The following CHRM5 variants were observed in gnomAD, a reference collection of about 807,000 sequenced individuals.
CHRM5 encodes the protein cholinergic receptor muscarinic 5.
Under a neutral mutation model 39.0 loss-of-function variants are expected in CHRM5, and 18 were observed. That is an observed-to-expected ratio of 0.46 (90% CI 0.32 to 0.68). The LOEUF is 0.68. CHRM5 is among the 30% of genes least tolerant of loss of function. The probability of loss-of-function intolerance (pLI) is 0.04; values close to 1 mark genes in which losing one functional copy is unlikely to be tolerated. For synonymous variants in CHRM5, 241 were observed against 246.3 expected, an observed-to-expected ratio of 0.98 and a Z score of 0.20; for missense variants, 515 against 651.1, an observed-to-expected ratio of 0.79 and a Z score of 2.28.
At chr15:34,046,274 C>A (rs1242574109) in intron 1 of CHRM5, among the ~76,000 whole-genome samples, 1 of 146,372 alleles carries the variant, frequency 6.8e-6, no homozygotes, top group Non-Finnish European at 1.5e-5. Context: ...TGTTCCAAAT[C>A]TTTTTGTGGA....
chr15:34,034,754 A>AGT (rs1491410052), intron 1 of CHRM5, among the ~76,000 whole-genome samples: 1 of 152,218 alleles, frequency 6.6e-6, no homozygotes. Context: ...AAATAATTAC[A>AGT]GTGTGTGTGC....
intron 1 of CHRM5, among the ~76,000 whole-genome samples, chr15:34,019,217 A>T (rs1898100081): frequency 1.3e-5 from 2 of 152,340 alleles, no homozygotes; most frequent in Middle Eastern, 3.4e-3. Context: ...GTGTAGGCCT[A>T]GGCTAATGGA....
At position 34,059,410 on chromosome 15, in the gene CHRM5, C is replaced by G. The variant is rs1413923180; in HGVS notation, c.-75-3233C>G. Among the ~76,000 whole-genome samples the G allele has an allele frequency of 3.3e-5, 5 of 152,176 alleles. No individual in the cohort carries two copies. In the South Asian group the frequency reaches 1.0e-3, roughly 32 times the overall value. On this transcript the variant is annotated intron_variant, in intron 2 of 2. Transcript: ENST00000383263. ...GAAAAAATTCAGCAAGCGGTCAGAT[C>G]ATTTTACTACTTCTCTCCGGACTAA... is the stretch of plus-strand genomic sequence containing the variant.
intron 1 of CHRM5, among the ~76,000 whole-genome samples, chr15:33,978,335 C>T (rs945408418): frequency 3.3e-5 from 5 of 152,088 alleles, no homozygotes; most frequent in African/African-American, 1.2e-4. Flanking sequence ...TGGGGGAGTA[C>T]ATTTAATAAT....
At chr15:34,023,042 C>T (rs1283808071) in intron 1 of CHRM5, among the ~76,000 whole-genome samples, 2 of 152,184 alleles carry the variant, frequency 1.3e-5, no homozygotes, top group Non-Finnish European at 2.9e-5. Flanking sequence ...CAAAAATTAG[C>T]CTGGCGTGGT....
chr15:33,993,580 G>A (rs1896814198), intron 1 of CHRM5, among the ~76,000 whole-genome samples: 1 of 152,106 alleles, frequency 6.6e-6, no homozygotes, highest in Non-Finnish European at 1.5e-5. Flanking sequence ...CTTTTAAAGA[G>A]TTTTATTCCT....
At chr15:34,024,170 C>T (rs1898333813) in intron 1 of CHRM5, among the ~76,000 whole-genome samples, 3 of 152,150 alleles carry the variant, frequency 2.0e-5, no homozygotes, top group Admixed American at 2.0e-4. Context: ...TGGATTATAG[C>T]AGTGAACAAG....
chr15:34,030,249 C>T (rs1898709970), intron 1 of CHRM5, among the ~76,000 whole-genome samples: 2 of 152,056 alleles, frequency 1.3e-5, no homozygotes, highest in Admixed American at 6.5e-5. Context: ...GTGAGTGAGA[C>T]TTCATCTCAA....
In CHRM5 at chr15:34,025,695, C is replaced by T. The variant is rs187370862; in HGVS notation, c.-407-20845C>T. 4.6e-5 allele frequency among the ~76,000 whole-genome samples: 7 copies of T among 152,072 alleles called. No homozygotes were observed. In the East Asian group the frequency reaches 9.6e-4, roughly 21 times the overall value. ...AGGGGTAAAGACGCATCATATCCAC[C>T]GCTCAAAGGTTCAGAAGAAAAAAAA... On this transcript the variant is annotated intron_variant, in intron 1 of 2. Transcript: ENST00000383263.
At chr15:34,032,285 G>C (rs934410802) in intron 1 of CHRM5, among the ~76,000 whole-genome samples, 1 of 152,108 alleles carries the variant, frequency 6.6e-6, no homozygotes, top group African/African-American at 2.4e-5. Context: ...AATGACCTAC[G>C]TAACCTCTCT....
rs151253761 is a variant in CHRM5 at position 34,002,454 on chromosome 15, T to C, written c.-408+33304T>C. 5.3e-4 allele frequency among the ~76,000 whole-genome samples: 81 copies of C among 152,268 alleles called. 1 individual carries two copies. The East Asian group carries it at 0.015, about 29-fold the overall frequency. ...GCACTCCTCCATTCTTCCCTGTTAC[T>C]GCTCTCCAGCATCACATCACTCAAG... On this transcript the variant is annotated intron_variant, in intron 1 of 2. Transcript: ENST00000383263.
chr15:34,059,510 C>G (rs1439431066), intron 2 of CHRM5, among the ~76,000 whole-genome samples: 1 of 152,166 alleles, frequency 6.6e-6, no homozygotes, highest in Non-Finnish European at 1.5e-5. Flanking sequence ...CACAGCTCTC[C>G]CATAAAGCTG....
At chr15:34,000,626 C>T (rs1311414944) in intron 1 of CHRM5, among the ~76,000 whole-genome samples, 2 of 152,148 alleles carry the variant, frequency 1.3e-5, no homozygotes, top group African/African-American at 4.8e-5. Flanking sequence ...GGTCAGCTTA[C>T]CTAGAAAACA....
intron 2 of CHRM5, among the ~76,000 whole-genome samples, chr15:34,057,484 G>A (rs1900200406): frequency 6.6e-6 from 1 of 152,100 alleles, no homozygotes; most frequent in Non-Finnish European, 1.5e-5. Context: ...TTGCTACTTT[G>A]TAGTGAACAT....
chr15:34,025,582 T>C (rs1898419788), intron 1 of CHRM5, among the ~76,000 whole-genome samples: 1 of 152,308 alleles, frequency 6.6e-6, no homozygotes, highest in Middle Eastern at 3.4e-3. Context: ...TAAATAGAAT[T>C]GTAGCAATGT....
intron 1 of CHRM5, among the ~76,000 whole-genome samples, chr15:34,033,443 T>C (rs945126425): frequency 3.3e-5 from 5 of 151,716 alleles, no homozygotes; most frequent in African/African-American, 7.3e-5. Flanking sequence ...GAGGCGGAGA[T>C]TGCAGTGAGC....
At chr15:34,026,184 A>T (rs1898462517) in intron 1 of CHRM5, among the ~76,000 whole-genome samples, 1 of 149,684 alleles carries the variant, frequency 6.7e-6, no homozygotes, top group Non-Finnish European at 1.5e-5. Context: ...ACATATTGTC[A>T]TTTTTTTTTT....
intron 1 of CHRM5, among the ~76,000 whole-genome samples, chr15:34,031,394 C>T (rs532767630): frequency 5.3e-5 from 8 of 151,912 alleles, no homozygotes; most frequent in East Asian, 1.9e-4. Context: ...AGGCTGGTCT[C>T]GAACTCCTGA....
chr15:34,017,497 T>TTTTTTTTTTTTGTTTTTTTTTTTTTTG (rs1555516619), intron 1 of CHRM5, among the ~76,000 whole-genome samples: 1 of 133,364 alleles, frequency 7.5e-6, no homozygotes. Context: ...TTTTTTTTTT[T>TTTTTTTTTTTTGTTTTTTTTTTTTTTG]TTTGAGACAG....
Sources: allele counts gnomAD v4.1 joint callset (sites outside exome capture counted in the v4.1 genomes callset), GRCh38; gene constraint gnomAD v4.1.1; transcripts MANE v1.5; gene names NCBI Gene and HGNC (gene_info 2026-07-23, HGNC 2026-07-21).